Variants in ZBTB34 observed in about 807,000 individuals in gnomAD.
ZBTB34 encodes zinc finger and BTB domain containing 34, also known as zinc finger and BTB domain-containing protein 34.
A neutral mutation model predicts 33.4 loss-of-function variants in ZBTB34; 1 was observed. The ratio of observed to expected loss-of-function variants is 0.03; its 90% CI spans 0.01 to 0.14. ZBTB34 has a LOEUF of 0.14. Ranked by LOEUF, ZBTB34 falls within the 10% of genes least tolerant of loss-of-function variation. The pLI, the probability that ZBTB34 is intolerant of heterozygous loss-of-function variation, is 1.00. For missense variants in ZBTB34, 406 were observed against 657.2 expected (o/e 0.62, Z 4.18); for synonymous variants, 283 against 253.5 (o/e 1.12, Z -1.11).
exon 2 of ZBTB34, chr9:126,885,698 CTA>C (rs2033513422): frequency 6.0e-6 from 1 of 167,052 alleles, no homozygotes; most frequent in African/African-American, 2.4e-5. Context: ...GAATTTAAGA[CTA>C]TTTATTCAAA....
At chr9:126,885,520 G>A (rs749399849) in exon 2 of ZBTB34, 2 of 166,896 alleles carry the variant, frequency 1.2e-5, no homozygotes, top group Non-Finnish European at 2.9e-5. Context: ...ATTTTTTTCC[G>A]TTATAAATGG....
At chr9:126,869,492 G>T (rs1183117212) in intron 1 of ZBTB34, among the ~76,000 whole-genome samples, 1 of 152,192 alleles carries the variant, frequency 6.6e-6, no homozygotes, top group Non-Finnish European at 1.5e-5. Flanking sequence ...CACGGATGAT[G>T]ACGGTGGTGG....
chr9:126,869,043 C>G (rs1282777714), intron 1 of ZBTB34, among the ~76,000 whole-genome samples: 1 of 152,082 alleles, frequency 6.6e-6, no homozygotes, highest in Admixed American at 6.5e-5. Flanking sequence ...GGAGATTTTG[C>G]TCTACAAAGA....
At chr9:126,875,709 G>T (rs1420341517) in intron 1 of ZBTB34, among the ~76,000 whole-genome samples, 1 of 151,724 alleles carries the variant, frequency 6.6e-6, no homozygotes, top group Non-Finnish European at 1.5e-5. Context: ...GATTCTCTTG[G>T]GTTTTCTCTA....
rs372547482 is a variant in ZBTB34, at chr9:126,870,714, G to T, written c.-10-8676G>T. On this transcript the variant is annotated intron_variant, in intron 1 of 1. Coordinates refer to ENST00000319119, the Ensembl canonical transcript of ZBTB34. ...GGCCGAGGTGGGTGGATCATCTGAG[G>T]TCAGGAGTTCAAGAACAGCCTGGCC... Among the ~76,000 whole-genome samples the T allele has an allele frequency of 1.8e-4, 27 of 152,290 alleles. No individual in the cohort carries two copies. In the South Asian group the frequency reaches 5.4e-3, roughly 30 times the overall value.
intron 1 of ZBTB34, among the ~76,000 whole-genome samples, chr9:126,872,968 A>C (rs1013207620): frequency 6.6e-6 from 1 of 152,216 alleles, no homozygotes; most frequent in Non-Finnish European, 1.5e-5. Context: ...GAAGTAGTTA[A>C]GGAAAAAACA....
At chr9:126,878,088 C>T (rs1254853885) in intron 1 of ZBTB34, among the ~76,000 whole-genome samples, 1 of 152,108 alleles carries the variant, frequency 6.6e-6, no homozygotes. Flanking sequence ...GCAATCCTAG[C>T]ACTTTGGGAA....
At chr9:126,868,123 C>T (rs1028281161) in intron 1 of ZBTB34, among the ~76,000 whole-genome samples, 2 of 152,042 alleles carry the variant, frequency 1.3e-5, no homozygotes, top group African/African-American at 4.8e-5. Context: ...CTGTTTTTGT[C>T]GAGTGGCTTT....
intron 1 of ZBTB34, among the ~76,000 whole-genome samples, chr9:126,862,006 C>T (rs767386436): frequency 6.6e-6 from 1 of 152,178 alleles, no homozygotes; most frequent in South Asian, 2.1e-4. Flanking sequence ...CTCCAGGCAG[C>T]TTTACACAGG....
chr9:126,862,729 GTTCC>G (rs1164848468), intron 1 of ZBTB34, among the ~76,000 whole-genome samples: 1 of 152,136 alleles, frequency 6.6e-6, no homozygotes, highest in Non-Finnish European at 1.5e-5. Flanking sequence ...TTCAGCACTT[GTTCC>G]TTGGCTGTTG....
At chr9:126,866,680 G>C (rs1420789798) in intron 1 of ZBTB34, among the ~76,000 whole-genome samples, 3 of 151,918 alleles carry the variant, frequency 2.0e-5, no homozygotes, top group Non-Finnish European at 4.4e-5. Context: ...CTGTCTGCTT[G>C]ATGTAATAAT....
At chr9:126,876,161 T>TCCTTCCC (rs2033354776) in intron 1 of ZBTB34, among the ~76,000 whole-genome samples, 1 of 5,954 alleles carries the variant, frequency 1.7e-4, no homozygotes, top group African/African-American at 8.6e-4. Context: ...TTCCCTTCCG[T>TCCTTCCC]CCTTCCCCCC....
exon 2 of ZBTB34, chr9:126,883,976 C>T (rs879046007): frequency 6.0e-6 from 1 of 167,182 alleles, no homozygotes; most frequent in East Asian, 1.9e-4. Flanking sequence ...AGACGAAGTA[C>T]GCTGTGTAAC....
intron 1 of ZBTB34, among the ~76,000 whole-genome samples, chr9:126,862,793 T>C (rs1452687649): frequency 6.6e-6 from 1 of 152,186 alleles, no homozygotes; most frequent in East Asian, 1.9e-4. Context: ...GGGCATTGTG[T>C]CTTAATACTC....
At chr9:126,868,316 A>G (rs1049329002) in intron 1 of ZBTB34, among the ~76,000 whole-genome samples, 5 of 152,132 alleles carry the variant, frequency 3.3e-5, no homozygotes. Context: ...GCCTGTCGTC[A>G]TATGGTCTCG....
chr9:126,879,302 A>G lies in ZBTB34; in HGVS notation c.-10-88A>G, dbSNP rs1286908753. The G allele has an allele frequency of 3.2e-5, 34 of 1,070,840 alleles. No homozygotes were observed. The highest frequency in any genetic ancestry group is 6.3e-5 in the African/African-American group (4 of 63,378). The allele number at this position is 1,070,840 out of a possible 1,614,324, so 66.3% of individuals were successfully genotyped here. A position where few individuals can be genotyped will look rare whatever the true frequency, so the allele number is the denominator to read the frequency against. The stretch of plus-strand genomic sequence containing the variant: ...GATTTTAGGAGGTATGATAGCCACA[A>G]TGGTATTGTTGTTGTAAGCTTGTGT... On this transcript the variant is annotated intron_variant, in intron 1 of 1. Transcript: ENST00000319119. The surrounding 1 kb of genome is among the most constrained non-coding windows in gnomAD (Gnocchi z 6.4).
chr9:126,881,866 A>C (rs1216217164), exon 2 of ZBTB34: 3 of 166,512 alleles, frequency 1.8e-5, no homozygotes, highest in Non-Finnish European at 4.4e-5. Context: ...AAATCGAATC[A>C]CTCTCTATCA....
chr9:126,870,860 G>A (rs2033267820), intron 1 of ZBTB34, among the ~76,000 whole-genome samples: 1 of 152,074 alleles, frequency 6.6e-6, no homozygotes, highest in Non-Finnish European at 1.5e-5. Flanking sequence ...CTGGGAGGCG[G>A]AGGTTGCCTT....
chr9:126,872,792 T>C (rs1444547924), intron 1 of ZBTB34, among the ~76,000 whole-genome samples: 1 of 152,120 alleles, frequency 6.6e-6, no homozygotes, highest in South Asian at 2.1e-4. Context: ...AATCTTTGAA[T>C]CTCATTGTCA....
Sources: gnomAD v4.1 joint callset for allele counts (sites outside exome capture counted in the v4.1 genomes callset) on GRCh38, gnomAD v4.1.1 for gene constraint, Gnocchi (gnomAD v3.1) non-coding constraint, MANE v1.5 for transcripts, NCBI Gene and HGNC (gene_info 2026-07-23, HGNC 2026-07-21) for gene names.